The following EPHA3 variants were observed in gnomAD, a reference collection of about 807,000 sequenced individuals.
EPHA3 encodes EPH receptor A3.
A neutral mutation model predicts 107.1 loss-of-function variants in EPHA3; 42 were observed. The observed-to-expected ratio is 0.39, with a 90% CI of 0.31 to 0.51. The LOEUF (loss-of-function observed/expected upper bound fraction) is 0.51. EPHA3 is among the 20% of genes least tolerant of loss of function. The pLI is 0.78. For synonymous variants in EPHA3, 461 were observed against 424.8 expected (o/e 1.09, Z -1.05); for missense variants, 1,183 against 1,211.2 (o/e 0.98, Z 0.35).
At chr3:89,354,395 T>C (rs1005817121) in intron 5 of EPHA3, among the ~76,000 whole-genome samples, 7 of 151,252 alleles carry the variant, frequency 4.6e-5, no homozygotes, top group African/African-American at 1.7e-4. Context: ...CAAAGTGTTA[T>C]CTCAGTGTGA....
intron 3 of EPHA3, among the ~76,000 whole-genome samples, chr3:89,247,430 T>G (rs1705059273): frequency 6.6e-6 from 1 of 151,420 alleles, no homozygotes; most frequent in African/African-American, 2.5e-5. Flanking sequence ...TTGGTATTGC[T>G]GAAACATAAA....
At chr3:89,450,101 C>T in intron 14 of EPHA3, 76 bp from the exon 15 acceptor site, 17 of 1,233,204 alleles carry the variant, frequency 1.4e-5, no homozygotes, top group Non-Finnish European at 1.9e-5. Context: ...ATTTGTGAGC[C>T]CCGCCCATGA....
At chr3:89,339,399 G>GAAAAA (rs1016988070) in intron 3 of EPHA3, among the ~76,000 whole-genome samples, 1 of 144,520 alleles carries the variant, frequency 6.9e-6, no homozygotes, top group African/African-American at 2.5e-5. Flanking sequence ...AAGAAAGAAA[G>GAAAAA]AAAAATTATA....
intron 3 of EPHA3, among the ~76,000 whole-genome samples, chr3:89,326,715 A>T (rs1431475559): frequency 2.5e-4 from 38 of 150,570 alleles, no homozygotes; most frequent in African/African-American, 6.6e-4. Context: ...TTTTTTTTTT[A>T]AATTGATCTG....
At chr3:89,401,251 G>A (rs1708956590) in intron 7 of EPHA3, among the ~76,000 whole-genome samples, 1 of 152,168 alleles carries the variant, frequency 6.6e-6, no homozygotes, top group South Asian at 2.1e-4. Flanking sequence ...AATTTCACCA[G>A]GTATTGAAAT....
At chr3:89,356,296 G>C (rs531498651) in intron 5 of EPHA3, among the ~76,000 whole-genome samples, 1 of 150,918 alleles carries the variant, frequency 6.6e-6, no homozygotes, top group East Asian at 1.9e-4. Flanking sequence ...ATAAACATAG[G>C]TGTGCATGTG....
At chr3:89,307,781 G>A (rs1447325715) in intron 3 of EPHA3, among the ~76,000 whole-genome samples, 1 of 152,094 alleles carries the variant, frequency 6.6e-6, no homozygotes, top group African/African-American at 2.4e-5. Context: ...TTGAACTCCT[G>A]GGCTCGAATG....
At position 89,272,347 on chromosome 3, in the gene EPHA3, A is replaced by AAATATTTTAT. The variant is rs1283121153; in HGVS notation, c.814+61830_814+61839dup. 2.6e-5 allele frequency among the ~76,000 whole-genome samples: 4 copies of AAATATTTTAT among 151,878 alleles called. No homozygotes were observed. The East Asian group carries it at 7.7e-4, about 29-fold the overall frequency. ...CTATTCTTTTTAAAAATTTAAATAA[A>AAATATTTTAT]AATATTTTATAAGTCATATAATTTG... On this transcript the variant is annotated intron_variant, in intron 3 of 16. Coordinates refer to ENST00000336596, the MANE Select transcript of EPHA3 (RefSeq NM_005233.6).
chr3:89,120,627 G>A (rs1387113392), intron 1 of EPHA3, among the ~76,000 whole-genome samples: 1 of 152,146 alleles, frequency 6.6e-6, no homozygotes, highest in Admixed American at 6.5e-5. Flanking sequence ...ACTAAAGTAA[G>A]TTTCTAGCAG....
intron 2 of EPHA3, among the ~76,000 whole-genome samples, chr3:89,186,887 G>T (rs1311633228): frequency 6.6e-6 from 1 of 152,012 alleles, no homozygotes; most frequent in Admixed American, 6.6e-5. Context: ...GTTGAATTTT[G>T]TGTTGCCTGG....
chr3:89,311,696 G>C (rs1377655838), intron 3 of EPHA3, among the ~76,000 whole-genome samples: 2 of 152,026 alleles, frequency 1.3e-5, no homozygotes, highest in African/African-American at 2.4e-5. Context: ...TTAGTGAATA[G>C]GGATTGTCTT....
At chr3:89,425,221 C>A (rs1020947232) in intron 11 of EPHA3, among the ~76,000 whole-genome samples, 2 of 150,776 alleles carry the variant, frequency 1.3e-5, no homozygotes, top group Non-Finnish European at 3.0e-5. Context: ...AAAAAAAATA[C>A]CCTAACTCAG....
chr3:89,187,592 G>A (rs975282241), intron 2 of EPHA3, among the ~76,000 whole-genome samples: 1 of 151,930 alleles, frequency 6.6e-6, no homozygotes, highest in African/African-American at 2.4e-5. Flanking sequence ...AATTTGAGCT[G>A]ATGAATATCA....
chr3:89,210,037 T>A lies in EPHA3; in HGVS notation c.331T>A (p.Leu111Met). ...FTLRDCNSIPLVLGTCKETFN... is the reference protein window; with the variant it reads ...FTLRDCNSIPMVLGTCKETFN... ...TCTACGAGACTGCAATAGCATTCCATTGGTTTTAGGAACTTGCAAGGAGAC... is the reference window on the plus strand; with the variant it reads ...TCTACGAGACTGCAATAGCATTCCAATGGTTTTAGGAACTTGCAAGGAGAC... The change falls in exon 3 of 17, where the codon TTG becomes ATG. Residue 111 changes from leucine to methionine, a missense_variant. Leu to Met is a conservative substitution (Grantham distance 15). Transcript: ENST00000336596. 1 of 1,614,018 alleles carries A rather than the reference T, an allele frequency of 6.2e-7. No homozygotes were observed. The highest frequency in any genetic ancestry group is 8.5e-7 in the Non-Finnish European group (1 of 1,179,932).
intron 3 of EPHA3, among the ~76,000 whole-genome samples, chr3:89,273,119 T>G (rs1705719645): frequency 6.6e-6 from 1 of 152,086 alleles, no homozygotes; most frequent in African/African-American, 2.4e-5. Context: ...AACGTTTGTA[T>G]GCATTGTGAG....
At position 89,236,359 on chromosome 3, in the gene EPHA3, T is replaced by C. The variant is rs190178849; in HGVS notation, c.814+25839T>C. Among the ~76,000 whole-genome samples, 246 of 151,996 alleles carry C rather than the reference T, an allele frequency of 1.6e-3. 1 individual carries two copies. The highest frequency in any genetic ancestry group is 5.5e-3 in the African/African-American group (227 of 41,430). On this transcript the variant is annotated intron_variant, in intron 3 of 16. Transcript: ENST00000336596. ...GAGTAAATGAATAAAAGGTGGTATGTTAATACAATGAATTACTACACTACA... is the reference window on the plus strand; with the variant it reads ...GAGTAAATGAATAAAAGGTGGTATGCTAATACAATGAATTACTACACTACA...
chr3:89,160,616 T>C (rs1249081281), intron 2 of EPHA3, among the ~76,000 whole-genome samples: 2 of 151,682 alleles, frequency 1.3e-5, no homozygotes, highest in East Asian at 3.9e-4. Flanking sequence ...TGTGTGTATT[T>C]CTTTCACCAA....
intron 6 of EPHA3, among the ~76,000 whole-genome samples, chr3:89,397,048 A>G (rs1315956756): frequency 6.6e-6 from 1 of 152,122 alleles, no homozygotes. Context: ...ATAGATCCTT[A>G]TAAGAATTAT....
chr3:89,386,214 C>A (rs886477990), intron 5 of EPHA3, among the ~76,000 whole-genome samples: 2 of 152,066 alleles, frequency 1.3e-5, no homozygotes, highest in Non-Finnish European at 2.9e-5. Flanking sequence ...TAATAAGGAG[C>A]CAAATATTAA....
Sources: allele counts gnomAD v4.1 joint callset (sites outside exome capture counted in the v4.1 genomes callset), GRCh38; gene constraint gnomAD v4.1.1; transcripts MANE v1.5; gene names NCBI Gene and HGNC (gene_info 2026-07-23, HGNC 2026-07-21).